Variants in SMARCA4 observed in about 807,000 individuals in gnomAD.
SMARCA4 encodes SWI/SNF related BAF chromatin remodeling complex subunit ATPase 4.
Under a neutral mutation model 193.9 loss-of-function variants are expected in SMARCA4, and 31 were observed. The observed-to-expected ratio is 0.16, with a 90% confidence interval of 0.12 to 0.22. SMARCA4 has a LOEUF of 0.22. Among genes scored for constraint, SMARCA4 ranks in the 10% least tolerant of loss-of-function variants. The pLI is 1.00. For missense variants in SMARCA4, 1,148 were observed against 2,296.0 expected (o/e 0.50, Z 10.22); for synonymous variants, 942 against 933.1 (o/e 1.01, Z -0.17).
chr19:11,040,759 A>G (rs964999552), intron 29 of SMARCA4: 1 of 152,196 alleles, frequency 6.6e-6, no homozygotes, highest in African/African-American at 2.4e-5. Flanking sequence ...TCTACAAAAA[A>G]TTTTTTTAAT....
At position 11,061,623 on chromosome 19, in the gene SMARCA4, G is replaced by A. The variant is rs11666990; in HGVS notation, c.4912-161G>A. On this transcript the variant is annotated intron_variant, in intron 34 of 34. Coordinates refer to ENST00000344626, the MANE Select transcript of SMARCA4 (RefSeq NM_003072.5). ...GATCTCCTGACCTCGTGATCCGCCC[G>A]CCTTGGCCTTCCAAAGTGCTGGGAT... is the stretch of plus-strand genomic sequence containing the variant. 185,641 of 725,590 alleles carry A rather than the reference G, an allele frequency of 0.26. 25,421 individuals carry two copies. Among genetic ancestry groups the A allele is most frequent in the Non-Finnish European group, 0.29 (117,396 of 401,288 alleles). 44.9% of individuals were successfully genotyped at this position (725,590 alleles called of 1,614,324 possible). A position where few individuals can be genotyped will look rare whatever the true frequency, so the allele number is the denominator to read the frequency against.
At position 10,996,372 on chromosome 19, in the gene SMARCA4, A is replaced by G. The variant is rs2087041445; in HGVS notation, c.1753A>G (p.Lys585Glu). The G allele has an allele frequency of 1.2e-6, 2 of 1,614,228 alleles. No homozygotes were observed. The highest frequency in any genetic ancestry group is 1.7e-6 in the Non-Finnish European group (2 of 1,180,038). Residue 585 changes from lysine to glutamate, a missense_variant, in exon 10 of 35, where the codon AAA becomes GAA. Transcript: ENST00000344626. ...QVAKEKKKKK[K>E]KKKAENAEGQ... The stretch of plus-strand genomic sequence containing the variant: ...CGCCAAGGAGAAAAAGAAGAAAAAG[A>G]AAAAGAAGGTGTGCTGGGCCTGGCA...
At chr19:10,977,719 G>A (rs1485869314) in intron 1 of SMARCA4, 3 of 152,262 alleles carry the variant, frequency 2.0e-5, no homozygotes, top group African/African-American at 7.2e-5. Context: ...GATGCTCCTA[G>A]TGCGATACCT....
chr19:10,982,834 T>G (rs1010658193), intron 1 of SMARCA4, among the ~76,000 whole-genome samples: 1 of 152,066 alleles, frequency 6.6e-6, no homozygotes, highest in African/African-American at 2.4e-5. Flanking sequence ...TCAAGAGAAT[T>G]AAAAATGTTT....
At position 11,007,976 on chromosome 19, in the gene SMARCA4, T is replaced by C. The variant is rs878854204; in HGVS notation, c.2076T>C (p.Asp692=). The change falls in exon 14 of 35, where the codon GAT becomes GAC. Residue 692 remains aspartate (D), a synonymous_variant. Coordinates refer to ENST00000344626, the MANE Select transcript of SMARCA4 (RefSeq NM_003072.5). ...LPVEEKKKIP[D]PDSDDVSEVD... is the part of the protein sequence containing the mutation. ...TGGAGGAGAAGAAGAAGATTCCAGA[T>C]CCAGACAGCGATGACGTCTCTGAGG... is the stretch of plus-strand genomic sequence containing the variant. 13 of 1,613,684 alleles carry C rather than the reference T, an allele frequency of 8.1e-6. No homozygotes were observed. Among genetic ancestry groups the C allele is most frequent in the Non-Finnish European group, 1.1e-5 (13 of 1,179,776 alleles).
chr19:11,002,877 A>C, intron 11 of SMARCA4, 152 bp from the exon 12 acceptor site: 1 of 718,928 alleles, frequency 1.4e-6, no homozygotes, highest in Non-Finnish European at 2.5e-6. Context: ...TGGATTACTG[A>C]GTATACAGTT....
chr19:11,061,204 A>AAAAATATATAT (rs1555797070), intron 34 of SMARCA4, among the ~76,000 whole-genome samples: 1 of 45,224 alleles, frequency 2.2e-5, no homozygotes, highest in African/African-American at 1.1e-4. Flanking sequence ...AAAAAAAAAA[A>AAAAATATATAT]ATATATATAT....
intron 1 of SMARCA4, among the ~76,000 whole-genome samples, chr19:10,974,712 T>A (rs1415563194): frequency 9.5e-6 from 1 of 105,720 alleles, no homozygotes; most frequent in African/African-American, 3.7e-5. Context: ...TTTTTTTTTT[T>A]TTTTTTTTTT....
At chr19:11,003,295 C>T in intron 12 of SMARCA4, 45 bp from the exon 13 acceptor site, 1 of 1,605,960 alleles carries the variant, frequency 6.2e-7, no homozygotes. Flanking sequence ...GTGAATTCTG[C>T]TGGCTCTGAG....
intron 30 of SMARCA4, among the ~76,000 whole-genome samples, chr19:11,055,833 A>T (rs139751777): frequency 1.3e-5 from 2 of 152,096 alleles, no homozygotes; most frequent in Non-Finnish European, 2.9e-5. Flanking sequence ...GGCTCAAGCA[A>T]TCCTCCCACG....
intron 19 of SMARCA4, among the ~76,000 whole-genome samples, chr19:11,022,840 C>T: frequency 6.6e-6 from 1 of 152,208 alleles, no homozygotes; most frequent in East Asian, 1.9e-4. Flanking sequence ...ACTCCCGGGA[C>T]CCCCACACTA....
Position 11,060,186 on chromosome 19 carries a change from A to T in SMARCA4, c.4910A>T (p.Glu1637Val), listed in dbSNP as rs2147127365. The T allele has an allele frequency of 6.4e-7, 1 of 1,550,828 alleles. No homozygotes were observed. Among genetic ancestry groups the T allele is most frequent in the Non-Finnish European group, 8.7e-7 (1 of 1,146,636 alleles). ...GATGACAGTGAGGAGGAACAAGAGG[A>T]GGTGAGGCCGGGCCCCCGAGCAGGC... ...SDDDSEEEQEEDRSGSGSEED is the reference protein window; with the variant it reads ...SDDDSEEEQEVDRSGSGSEED Residue 1637 changes from glutamate to valine, a missense_variant and splice_region_variant, in exon 34 of 35, where the codon GAG becomes GTG. Coordinates refer to ENST00000344626, the MANE Select transcript of SMARCA4 (RefSeq NM_003072.5).
In SMARCA4 at chr19:10,984,241, T is replaced by C. The variant is rs2145722926; in HGVS notation, c.90T>C (p.Pro30=). ...PGPSPGAMLG[P]SPGPSPGSAH... ...CTTCCCCTGGAGCCATGCTGGGCCCTAGCCCGGGTCCCTCGCCGGGCTCCG... is the reference window on the plus strand; with the variant it reads ...CTTCCCCTGGAGCCATGCTGGGCCCCAGCCCGGGTCCCTCGCCGGGCTCCG... The change falls in exon 2 of 35, where the codon CCT becomes CCC. Residue 30 remains proline, a synonymous_variant. Coordinates refer to ENST00000344626, the MANE Select transcript of SMARCA4 (RefSeq NM_003072.5). This position sits in a 1 kb window ranked among gnomAD's most constrained non-coding sequence, Gnocchi z 4.3. 6.2e-7 allele frequency: 1 copy of C among 1,612,574 alleles called. No homozygotes were observed. The highest frequency in any genetic ancestry group is 1.1e-5 in the South Asian group (1 of 91,036).
At position 10,985,246 on chromosome 19, in the gene SMARCA4, C is replaced by T. The variant is rs1053682643; in HGVS notation, c.223-27C>T. On this transcript the variant is annotated intron_variant, in intron 2 of 34. Transcript: ENST00000344626. The surrounding 1 kb of genome is among the most constrained non-coding windows in gnomAD (Gnocchi z 4.5). ...GCCACCTCACGTTCCACATGCTGAC[C>T]CTGCCTTGCCATGGTCCCTCTCGCA... The T allele has an allele frequency of 6.2e-7, 1 of 1,613,576 alleles. No individual in the cohort carries two copies.
In SMARCA4 at chr19:11,041,421, C is replaced by T. The variant is rs1060502069; in HGVS notation, c.4285C>T (p.Arg1429Cys). The T allele has an allele frequency of 3.7e-6, 6 of 1,612,362 alleles. No individual in the cohort carries two copies. The highest frequency in any genetic ancestry group is 5.1e-6 in the Non-Finnish European group (6 of 1,179,928). The change falls in exon 30 of 35, where the codon CGC (arginine) becomes TGC (cysteine). Residue 1429 changes from arginine (R) to cysteine (C), a missense_variant. Arg to Cys is a radical substitution (Grantham distance 180). Transcript: ENST00000344626. The surrounding 1 kb of genome is among the most constrained non-coding windows in gnomAD (Gnocchi z 5.6). ...AGSSTPTTST[R>C]SRDKDDESKK... ...CTCCTCCACCCCGACCACCAGCACCCGCAGCCGCGACAAGGACGACGAGAG... is the reference window on the plus strand; with the variant it reads ...CTCCTCCACCCCGACCACCAGCACCTGCAGCCGCGACAAGGACGACGAGAG...
chr19:10,993,581 G>T (rs2086741664), intron 8 of SMARCA4, among the ~76,000 whole-genome samples: 1 of 152,200 alleles, frequency 6.6e-6, no homozygotes, highest in Admixed American at 6.5e-5. Flanking sequence ...TGCCCTGCCA[G>T]TCGACTGCAC....
Position 10,985,071 on chromosome 19 carries a change from C to A in SMARCA4, c.223-202C>A, listed in dbSNP as rs1371358922. Among the ~76,000 whole-genome samples, 2 of 152,036 alleles carry A rather than the reference C, an allele frequency of 1.3e-5. No individual in the cohort carries two copies. The highest frequency in any genetic ancestry group is 4.8e-5 in the African/African-American group (2 of 41,370). ...TCCCATATGCTCGTGCTCCACTGGG[C>A]GACATTTATTTTGTGTACCTGTCTC... On this transcript the variant is annotated intron_variant, in intron 2 of 34. Transcript: ENST00000344626. The surrounding 1 kb of genome is among the most constrained non-coding windows in gnomAD (Gnocchi z 4.5).
intron 30 of SMARCA4, among the ~76,000 whole-genome samples, chr19:11,046,747 A>G (rs56167249): frequency 0.16 from 24,802 of 152,050 alleles, 2,432 homozygotes; most frequent in East Asian, 0.38. Flanking sequence ...CTTGAGACCA[A>G]GAGTACGAGA....
intron 8 of SMARCA4, among the ~76,000 whole-genome samples, chr19:10,993,976 C>A (rs1264586040): frequency 6.6e-6 from 1 of 152,022 alleles, no homozygotes; most frequent in East Asian, 1.9e-4. Flanking sequence ...AGAGAGAAAC[C>A]CAACCGCGGC....
Sources: gnomAD v4.1 joint callset for allele counts (sites outside exome capture counted in the v4.1 genomes callset) on GRCh38, gnomAD v4.1.1 for gene constraint, Gnocchi (gnomAD v3.1) non-coding constraint, MANE v1.5 for transcripts, NCBI Gene and HGNC (gene_info 2026-07-23, HGNC 2026-07-21) for gene names.